MGAM2: variants seen among roughly 807,000 people sequenced by gnomAD.
The protein encoded by MGAM2 is probable maltase-glucoamylase 2.
MGAM2 carries 98 observed loss-of-function variants against 96.1 expected under a neutral mutation model. The ratio of observed to expected loss-of-function variants is 1.02; its 90% CI spans 0.87 to 1.21. MGAM2 has a LOEUF of 1.21. Ranked by LOEUF, MGAM2 falls within the 50% of genes most tolerant of loss-of-function variation. The pLI, the probability that MGAM2 is intolerant of heterozygous loss-of-function variation, is 0.00. For missense variants in MGAM2, 2,055 were observed against 1,182.4 expected (o/e 1.74, Z -10.82); for synonymous variants, 749 against 414.8 (o/e 1.81, Z -9.79).
chr7:142,121,097 A>G (rs956967311), intron 3 of MGAM2, among the ~76,000 whole-genome samples: 2 of 152,218 alleles, frequency 1.3e-5, no homozygotes, highest in Admixed American at 6.5e-5. Context: ...CAATATTCAC[A>G]TTTTGATAGT....
rs535585807 is a variant in MGAM2 at position 142,162,880 on chromosome 7, C to T, written c.2484+876C>T. Reference sequence around the variant, plus strand: ...TGCCGGCATTGATGCTATCGAGATACAGAATATTTCATTAGCACAAAGATC... The same window carrying T: ...TGCCGGCATTGATGCTATCGAGATATAGAATATTTCATTAGCACAAAGATC... On this transcript the variant is annotated intron_variant, in intron 23 of 47. Transcript: ENST00000477922. 4.0e-5 allele frequency among the ~76,000 whole-genome samples: 6 copies of T among 151,882 alleles called. No individual in the cohort carries two copies. In the East Asian group the frequency reaches 5.9e-4, roughly 15 times the overall value.
intron 36 of MGAM2, among the ~76,000 whole-genome samples, chr7:142,188,109 A>ACACACACACAC (rs1796757507): frequency 1.4e-5 from 2 of 143,564 alleles, no homozygotes; most frequent in African/African-American, 5.2e-5. Flanking sequence ...TAAACCCTTA[A>ACACACACACAC]ACACACACAC....
rs574180111 is a variant in MGAM2 at position 142,216,944 on chromosome 7, C to T, written c.5188-1417C>T. ...CCTCACGTCTCTGTTTGCTCAGCAC[C>T]AGCTATGGTTGTCCTTGCACTCCTC... On this transcript the variant is annotated intron_variant, in intron 46 of 47. Transcript: ENST00000477922. Among the ~76,000 whole-genome samples, 8 of 152,288 alleles carry T rather than the reference C, an allele frequency of 5.3e-5. No individual in the cohort carries two copies. In the South Asian group the frequency reaches 1.7e-3, roughly 32 times the overall value.
chr7:142,206,416 A>G (rs544705355), intron 45 of MGAM2, among the ~76,000 whole-genome samples: 16 of 152,182 alleles, frequency 1.1e-4, no homozygotes, highest in Non-Finnish European at 1.8e-4. Context: ...AGATAACTAC[A>G]TGATCTCTAA....
In MGAM2 at chr7:142,197,408, T is replaced by G. The variant is rs1479831854; in HGVS notation, c.4641T>G (p.Asp1547Glu). The G allele has an allele frequency of 1.4e-6, 1 of 702,950 alleles. No homozygotes were observed. The highest frequency in any genetic ancestry group is 1.5e-5 in the South Asian group (1 of 67,592). 43.5% of individuals were successfully genotyped at this position (702,950 alleles called of 1,614,324 possible). A position where few individuals can be genotyped will look rare whatever the true frequency, so the allele number is the denominator to read the frequency against. Residue 1547 changes from aspartate (D) to glutamate (E), a missense_variant, in exon 41 of 48, where the codon GAT becomes GAG. Coordinates refer to ENST00000477922, the MANE Select transcript of MGAM2 (RefSeq NM_001293626.2). ...CTTCTTTATCCTTACAGAGACAAGA[T>G]CCTGTGGCCTGGAATTCAACCTTTG... ...NHNNIGTRRQDPVAWNSTFEM... is the reference protein window; with the variant it reads ...NHNNIGTRRQEPVAWNSTFEM...
At position 142,208,607 on chromosome 7, in the gene MGAM2, C is replaced by T. The variant is rs1797483434; in HGVS notation, c.5172C>T (p.Asn1724=). The T allele has an allele frequency of 2.8e-6, 2 of 702,758 alleles. No individual in the cohort carries two copies. Among genetic ancestry groups the T allele is most frequent in the Admixed American group, 2.0e-5 (1 of 49,994 alleles). The allele number at this position is 702,758 out of a possible 1,614,324, so 43.5% of individuals were successfully genotyped here. ...AAAATGGAAATTATTTTTTGGCAAA[C>T]TTTATAGCAGCTCAGGTAAGACTAA... ...TYENGNYFLA[N]FIAAQNILQI... The change falls in exon 46 of 48, where the codon AAC becomes AAT. Residue 1724 remains asparagine, a synonymous_variant. Coordinates refer to ENST00000477922, the MANE Select transcript of MGAM2 (RefSeq NM_001293626.2).
At chr7:142,201,416 A>G (rs1411711813) in intron 45 of MGAM2, among the ~76,000 whole-genome samples, 1 of 152,056 alleles carries the variant, frequency 6.6e-6, no homozygotes, top group Non-Finnish European at 1.5e-5. Flanking sequence ...ATTTTAGATT[A>G]CGTCCATAGA....
chr7:142,147,862 A>G (rs1402339710), intron 15 of MGAM2, among the ~76,000 whole-genome samples: 2 of 151,936 alleles, frequency 1.3e-5, no homozygotes, highest in African/African-American at 4.8e-5. Context: ...TCTTGCTTGG[A>G]TCCTTTTACT....
intron 3 of MGAM2, among the ~76,000 whole-genome samples, chr7:142,124,256 G>A (rs755955036): frequency 1.3e-5 from 2 of 152,108 alleles, no homozygotes; most frequent in Non-Finnish European, 2.9e-5. Flanking sequence ...ACAGGCATGA[G>A]CCACCACACC....
intron 37 of MGAM2, among the ~76,000 whole-genome samples, chr7:142,195,353 T>G (rs899053512): frequency 1.5e-5 from 2 of 133,166 alleles, no homozygotes; most frequent in African/African-American, 5.7e-5. Context: ...CTCTTTTTTT[T>G]TTTTTTTTTT....
chr7:142,196,548 G>C lies in MGAM2; in HGVS notation c.4481-17G>C. On this transcript the variant is annotated splice_polypyrimidine_tract_variant and intron_variant, in intron 38 of 47. Transcript: ENST00000477922. ...AAGTGCTCCTTCCTCCAACACAGCTGTGTCTTCTCTTTGCAGGCATGATGG... is the reference window on the plus strand; with the variant it reads ...AAGTGCTCCTTCCTCCAACACAGCTCTGTCTTCTCTTTGCAGGCATGATGG... 2.8e-6 allele frequency: 2 copies of C among 715,652 alleles called. No individual in the cohort carries two copies. Among genetic ancestry groups the C allele is most frequent in the Non-Finnish European group, 5.1e-6 (2 of 390,240 alleles). 44.3% of individuals were successfully genotyped at this position (715,652 alleles called of 1,614,324 possible). A position where few individuals can be genotyped will look rare whatever the true frequency, so the allele number is the denominator to read the frequency against.
chr7:142,158,784 G>A (rs959197677), intron 19 of MGAM2, among the ~76,000 whole-genome samples: 4 of 152,184 alleles, frequency 2.6e-5, no homozygotes, highest in Admixed American at 2.6e-4. Context: ...GAAGGACCAT[G>A]TGTATCCTAT....
At chr7:142,155,975 A>T (rs963945081) in intron 17 of MGAM2, among the ~76,000 whole-genome samples, 2 of 152,116 alleles carry the variant, frequency 1.3e-5, no homozygotes, top group African/African-American at 4.8e-5. Context: ...GAGAAACTCT[A>T]TCTCTACTAA....
At chr7:142,119,960 C>T (rs551560469) in intron 2 of MGAM2, among the ~76,000 whole-genome samples, 69 of 152,268 alleles carry the variant, frequency 4.5e-4, no homozygotes, top group African/African-American at 1.4e-3. Context: ...GTGATGAAAT[C>T]GTTCTGGAAT....
At chr7:142,202,839 G>A (rs1195874624) in intron 45 of MGAM2, among the ~76,000 whole-genome samples, 1 of 152,150 alleles carries the variant, frequency 6.6e-6, no homozygotes, top group Non-Finnish European at 1.5e-5. Flanking sequence ...ACCAAGTAAT[G>A]AGATTGCTGG....
chr7:142,220,524 CCTA>C lies in MGAM2; in HGVS notation c.6015_6017del (p.Thr2006del). The C allele has an allele frequency of 1.4e-6, 1 of 702,376 alleles. No individual in the cohort carries two copies. Among genetic ancestry groups the C allele is most frequent in the Non-Finnish European group, 2.6e-6 (1 of 384,836 alleles). The allele number at this position is 702,376 out of a possible 1,614,324, so 43.5% of individuals were successfully genotyped here. On this transcript the variant is annotated inframe_deletion, in exon 48 of 48. Coordinates refer to ENST00000477922, the MANE Select transcript of MGAM2 (RefSeq NM_001293626.2). ...TGTTCCTGATACAACTGCTCCTTTCCCTACAAGTACTACTAGTGCTAGCACTAA... is the reference window on the plus strand; with the variant it reads ...TGTTCCTGATACAACTGCTCCTTTCCCAAGTACTACTAGTGCTAGCACTAA...
At chr7:142,170,279 C>A in intron 27 of MGAM2, 50 bp downstream of exon 27, 1 of 640,548 alleles carries the variant, frequency 1.6e-6, no homozygotes, top group Admixed American at 2.4e-5. Flanking sequence ...GATTTAATTA[C>A]AGCAGTTACA....
intron 26 of MGAM2, among the ~76,000 whole-genome samples, chr7:142,168,861 G>A (rs1041978236): frequency 6.6e-6 from 1 of 152,176 alleles, no homozygotes; most frequent in African/African-American, 2.4e-5. Flanking sequence ...AAAATCTGGT[G>A]TATATTTTGC....
chr7:142,211,636 T>C (rs1209770448), intron 46 of MGAM2, among the ~76,000 whole-genome samples: 3 of 151,686 alleles, frequency 2.0e-5, no homozygotes, highest in Non-Finnish European at 4.4e-5. Flanking sequence ...AAGACAAAAT[T>C]AGAGAAAAAA....
Sources: gnomAD v4.1 joint callset for allele counts (sites outside exome capture counted in the v4.1 genomes callset) on GRCh38, gnomAD v4.1.1 for gene constraint, MANE v1.5 for transcripts, NCBI Gene and HGNC (gene_info 2026-07-23, HGNC 2026-07-21) for gene names.